PCDHA8: variants seen among roughly 807,000 people sequenced by gnomAD.
PCDHA8 encodes the protein protocadherin alpha 8.
A neutral mutation model predicts 61.8 loss-of-function variants in PCDHA8; 53 were observed. The ratio of observed to expected loss-of-function variants is 0.86; its 90% CI spans 0.69 to 1.08. PCDHA8 has a LOEUF of 1.08. Ranked by LOEUF, PCDHA8 falls within the 50% of genes least tolerant of loss-of-function variation. PCDHA8 has a pLI of 0.00. For synonymous variants in PCDHA8, 618 were observed against 556.6 expected (o/e 1.11, Z -1.55); for missense variants, 1,293 against 1,245.0 (o/e 1.04, Z -0.58).
At chr5:140,947,238 A>G (rs1252869330) in intron 1 of PCDHA8, among the ~76,000 whole-genome samples, 2 of 151,618 alleles carry the variant, frequency 1.3e-5, no homozygotes, top group Non-Finnish European at 3.0e-5. Flanking sequence ...GGAAAAAAAA[A>G]TAAGATAATC....
At chr5:140,969,608 CAG>C in intron 1 of PCDHA8, 1 of 747,330 alleles carries the variant, frequency 1.3e-6, no homozygotes, top group South Asian at 2.1e-5. Flanking sequence ...TGCTAAAACA[CAG>C]ATTTGTAGAG....
intron 1 of PCDHA8, among the ~76,000 whole-genome samples, chr5:140,893,391 G>A (rs1481818388): frequency 6.6e-6 from 1 of 152,158 alleles, no homozygotes; most frequent in Non-Finnish European, 1.5e-5. Context: ...AGTGGCTCAT[G>A]CCTGTAATCC....
rs1421975943 is a variant in PCDHA8 at position 140,853,700 on chromosome 5, G to A, written c.2394+9985G>A. 8.1e-6 allele frequency: 8 copies of A among 987,678 alleles called. 1 individual carries two copies. Among genetic ancestry groups the A allele is most frequent in the Admixed American group, 6.3e-5 (1 of 15,866 alleles). The allele number at this position is 987,678 out of a possible 1,614,324, so 61.2% of individuals were successfully genotyped here. The stretch of plus-strand genomic sequence containing the variant: ...TCAACCTATCCTTAGACCTGCTAAC[G>A]CATTAGCATTAGCAGCACCTAAGTC... On this transcript the variant is annotated intron_variant, in intron 1 of 3. Coordinates refer to ENST00000531613, the MANE Select transcript of PCDHA8 (RefSeq NM_018911.3).
intron 1 of PCDHA8, among the ~76,000 whole-genome samples, chr5:140,955,368 G>C (rs1554221882): frequency 6.6e-6 from 1 of 152,122 alleles, no homozygotes; most frequent in Admixed American, 6.5e-5. Flanking sequence ...CCCAGTGGGA[G>C]GTAATTGAAT....
chr5:140,969,110 C>T (rs1380719565), intron 1 of PCDHA8: 5 of 1,614,064 alleles, frequency 3.1e-6, no homozygotes, highest in Non-Finnish European at 3.4e-6. Flanking sequence ...CATTGAAGTT[C>T]GAGGGAATGG....
chr5:140,886,844 A>G (rs11748231), intron 1 of PCDHA8, among the ~76,000 whole-genome samples: 22,325 of 150,652 alleles, frequency 0.15, 1,711 homozygotes, highest in Middle Eastern at 0.2. Context: ...AAAAAAAAAA[A>G]AAAGAAAGGT....
intron 1 of PCDHA8, chr5:140,927,567 C>A: frequency 6.2e-7 from 1 of 1,614,180 alleles, no homozygotes; most frequent in Non-Finnish European, 8.5e-7. Context: ...TTGTGGTGGA[C>A]ACAAATGACA....
intron 1 of PCDHA8, among the ~76,000 whole-genome samples, chr5:140,945,559 A>T (rs1365534966): frequency 6.6e-6 from 1 of 152,096 alleles, no homozygotes; most frequent in Non-Finnish European, 1.5e-5. Flanking sequence ...GAAGCTGAAG[A>T]CATCATACTA....
chr5:140,978,377 G>A (rs1382683424), intron 1 of PCDHA8, among the ~76,000 whole-genome samples: 3 of 152,212 alleles, frequency 2.0e-5, no homozygotes, highest in Non-Finnish European at 4.4e-5. Context: ...GCAATAGTTT[G>A]TTTTCCTCTC....
intron 1 of PCDHA8, among the ~76,000 whole-genome samples, chr5:140,890,775 C>T (rs1583027889): frequency 1.3e-5 from 2 of 152,158 alleles, no homozygotes; most frequent in East Asian, 3.9e-4. Context: ...TTTAAAACCC[C>T]ATAAGATATT....
chr5:140,952,822 G>A (rs1364476088), intron 1 of PCDHA8, among the ~76,000 whole-genome samples: 3 of 152,184 alleles, frequency 2.0e-5, no homozygotes, highest in Non-Finnish European at 4.4e-5. Context: ...TGTACAGGAA[G>A]CATGATGCTG....
chr5:140,898,033 GTTGT>G (rs2066486498), intron 1 of PCDHA8, among the ~76,000 whole-genome samples: 1 of 152,032 alleles, frequency 6.6e-6, no homozygotes, highest in South Asian at 2.1e-4. Flanking sequence ...TTTTGATGGG[GTTGT>G]TTGTTTTTTT....
intron 1 of PCDHA8, among the ~76,000 whole-genome samples, chr5:140,891,369 A>G (rs13168533): frequency 0.051 from 7,710 of 152,068 alleles, 281 homozygotes; most frequent in Non-Finnish European, 0.073. Context: ...AGCAGTATAC[A>G]TTGCACCATA....
chr5:140,920,029 T>C (rs1584162393), intron 1 of PCDHA8, among the ~76,000 whole-genome samples: 1 of 152,118 alleles, frequency 6.6e-6, no homozygotes, highest in African/African-American at 2.4e-5. Flanking sequence ...GAGACAGAGA[T>C]TGGAGTGATG....
At chr5:140,898,870 C>T (rs1477095887) in intron 1 of PCDHA8, among the ~76,000 whole-genome samples, 3 of 151,586 alleles carry the variant, frequency 2.0e-5, no homozygotes, top group South Asian at 4.2e-4. Context: ...TTTCATTGAG[C>T]AGTGGTTTGT....
intron 1 of PCDHA8, chr5:140,864,136 T>C (rs2048335461): frequency 6.6e-6 from 1 of 152,238 alleles, no homozygotes; most frequent in African/African-American, 2.4e-5. Flanking sequence ...AGTGGCTGTT[T>C]CCTGTAAATG....
chr5:140,893,110 G>A (rs2063824937), intron 1 of PCDHA8, among the ~76,000 whole-genome samples: 1 of 152,124 alleles, frequency 6.6e-6, no homozygotes, highest in South Asian at 2.1e-4. Context: ...ATATTCCGTT[G>A]TGCATATACA....
intron 1 of PCDHA8, among the ~76,000 whole-genome samples, chr5:140,906,601 A>G (rs1337843589): frequency 6.6e-6 from 1 of 152,156 alleles, no homozygotes; most frequent in Non-Finnish European, 1.5e-5. Flanking sequence ...TCTACTACTC[A>G]TTCTGTATTC....
At chr5:140,846,097 A>G (rs1554141144) in intron 1 of PCDHA8, among the ~76,000 whole-genome samples, 1 of 149,760 alleles carries the variant, frequency 6.7e-6, no homozygotes, top group African/African-American at 2.4e-5. Context: ...CCTTCCAAGG[A>G]ATGTGTAGAC....
Sources: allele counts gnomAD v4.1 joint callset (sites outside exome capture counted in the v4.1 genomes callset), GRCh38; gene constraint gnomAD v4.1.1; transcripts MANE v1.5; gene names NCBI Gene and HGNC (gene_info 2026-07-23, HGNC 2026-07-21).